Variants in CTSH observed in about 807,000 individuals in gnomAD.
CTSH encodes cathepsin H.
Under a neutral mutation model 56.3 loss-of-function variants are expected in CTSH, and 52 were observed. The ratio of observed to expected loss-of-function variants is 0.92; its 90% CI spans 0.74 to 1.16. The LOEUF (loss-of-function observed/expected upper bound fraction) is 1.16, where lower values mean the gene tolerates loss of function less well. CTSH is among the 50% of genes most tolerant of loss of function. CTSH has a pLI of 0.00. For missense variants in CTSH, 406 were observed against 424.5 expected (o/e 0.96, Z 0.38); for synonymous variants, 174 against 155.7 (o/e 1.12, Z -0.88).
rs1294106971 is a variant in CTSH at position 78,945,020 on chromosome 15, C to T, written c.-39G>A. The stretch of plus-strand genomic sequence containing the variant: ...GCTTGGCTCTTGCGCTCAGGGTCCG[C>T]GGAGGTGGCGGCCCAGAGCGTCAAC... On this transcript the variant is annotated 5_prime_UTR_variant, in exon 1 of 12. Coordinates refer to ENST00000220166, the MANE Select transcript of CTSH (RefSeq NM_004390.5). 2 of 1,478,028 alleles carry T rather than the reference C, an allele frequency of 1.4e-6. No homozygotes were observed. Among genetic ancestry groups the T allele is most frequent in the Non-Finnish European group, 1.8e-6 (2 of 1,112,070 alleles). The allele number at this position is 1,478,028 out of a possible 1,614,324, so 91.6% of individuals were successfully genotyped here.
At chr15:78,928,661 C>T (rs749544852) in intron 8 of CTSH, among the ~76,000 whole-genome samples, 11 of 151,648 alleles carry the variant, frequency 7.3e-5, no homozygotes, top group Non-Finnish European at 1.3e-4. Context: ...CATGGAGCCT[C>T]GGCGGCATTC....
chr15:78,933,266 G>A (rs1347703018), intron 5 of CTSH, among the ~76,000 whole-genome samples: 3 of 152,210 alleles, frequency 2.0e-5, no homozygotes, highest in African/African-American at 7.2e-5. Context: ...TTCCCCTCTC[G>A]AAGCCTTGGC....
chr15:78,931,755 G>T, intron 6 of CTSH: 1 of 1,415,348 alleles, frequency 7.1e-7, no homozygotes, highest in Non-Finnish European at 9.2e-7. Context: ...GGGGGCAAGG[G>T]CTGTTGGGTC....
chr15:78,921,869 T>C lies in CTSH; in HGVS notation c.*261A>G. 1 of 510,728 alleles carries C rather than the reference T, an allele frequency of 2.0e-6. No homozygotes were observed. Among genetic ancestry groups the C allele is most frequent in the South Asian group, 2.7e-5 (1 of 36,730 alleles). The allele number at this position is 510,728 out of a possible 1,614,324, so 31.6% of individuals were successfully genotyped here. On this transcript the variant is annotated 3_prime_UTR_variant, in exon 12 of 12. Transcript: ENST00000220166. Reference sequence around the variant, plus strand: ...AAGTAGCCCTTCTGGACAGAAAGAATATTCGTGGTCCATGTGGTTTGAGTC... The same window carrying C: ...AAGTAGCCCTTCTGGACAGAAAGAACATTCGTGGTCCATGTGGTTTGAGTC...
At chr15:78,937,075 C>A (rs1412924389) in intron 3 of CTSH, 6 of 496,188 alleles carry the variant, frequency 1.2e-5, no homozygotes, top group African/African-American at 1.2e-4. Flanking sequence ...AGGAATGGGG[C>A]AGGGGCTTCT....
In CTSH at chr15:78,921,997, C is replaced by G. The variant is rs1596263673; in HGVS notation, c.*133G>C. 7.8e-6 allele frequency: 6 copies of G among 767,416 alleles called. No individual in the cohort carries two copies. In the East Asian group the frequency reaches 1.6e-4, roughly 21 times the overall value. 47.5% of individuals were successfully genotyped at this position (767,416 alleles called of 1,614,324 possible). ...CTTGTCTGTAGGTTTCCAGGCTGGG[C>G]ACAGAGGTGAGGGCAGAATGTTGGG... is the stretch of plus-strand genomic sequence containing the variant. On this transcript the variant is annotated 3_prime_UTR_variant, in exon 12 of 12. Transcript: ENST00000220166.
At chr15:78,934,876 G>A (rs747275706) in intron 5 of CTSH, 102 bp downstream of exon 5, 9 of 791,366 alleles carry the variant, frequency 1.1e-5, no homozygotes, top group African/African-American at 5.1e-5. Flanking sequence ...AGGCAGGGAT[G>A]TGCTTGTGGT....
intron 5 of CTSH, among the ~76,000 whole-genome samples, chr15:78,934,442 A>G (rs2055130307): frequency 6.6e-6 from 1 of 152,216 alleles, no homozygotes; most frequent in Admixed American, 6.5e-5. Flanking sequence ...AGATGCCCCC[A>G]GACTGCTCCC....
chr15:78,930,400 G>T (rs150619105), intron 7 of CTSH, among the ~76,000 whole-genome samples: 1 of 152,196 alleles, frequency 6.6e-6, no homozygotes, highest in East Asian at 1.9e-4. Context: ...GGTGGCGCAC[G>T]CCTGTAATCC....
intron 7 of CTSH, 24 bp downstream of exon 7, chr15:78,931,427 G>A: frequency 6.2e-7 from 1 of 1,614,122 alleles, no homozygotes; most frequent in South Asian, 1.1e-5. Flanking sequence ...GGAAGTTTTG[G>A]GCCCCTTCTG....
chr15:78,922,277 C>T (rs1047903197), intron 11 of CTSH, 72 bp from the exon 12 acceptor site: 3 of 1,297,790 alleles, frequency 2.3e-6, no homozygotes, highest in Non-Finnish European at 3.3e-6. Flanking sequence ...TGTTTTGCTG[C>T]TCACCAAGAG....
At chr15:78,924,402 G>C (rs560759722) in intron 10 of CTSH, among the ~76,000 whole-genome samples, 1 of 152,072 alleles carries the variant, frequency 6.6e-6, no homozygotes, top group Admixed American at 6.6e-5. Flanking sequence ...GGGGGGTTAG[G>C]GGGTCCAAGG....
In CTSH at chr15:78,945,030, G is replaced by A. The variant is rs916402702; in HGVS notation, c.-49C>T. 5.3e-5 allele frequency: 76 copies of A among 1,440,014 alleles called. No individual in the cohort carries two copies. The Middle Eastern group carries it at 6.8e-4, about 13-fold the overall frequency. The allele number at this position is 1,440,014 out of a possible 1,614,324, so 89.2% of individuals were successfully genotyped here. A position where few individuals can be genotyped will look rare whatever the true frequency, so the allele number is the denominator to read the frequency against. ...TGCGCTCAGGGTCCGCGGAGGTGGC[G>A]GCCCAGAGCGTCAACTGGGAGCGCG... On this transcript the variant is annotated 5_prime_UTR_variant, in exon 1 of 12. Coordinates refer to ENST00000220166, the MANE Select transcript of CTSH (RefSeq NM_004390.5).
In CTSH at chr15:78,937,307, G is replaced by C; in HGVS notation, c.229+11C>G. ...CATCCTTCCAGGAAGGAAGGAAGGC[G>C]TTCCACGTACTTTTAAATGTGTGGT... On this transcript the variant is annotated intron_variant, in intron 3 of 11. Transcript: ENST00000220166. 6.2e-7 allele frequency: 1 copy of C among 1,608,506 alleles called. No individual in the cohort carries two copies. Among genetic ancestry groups the C allele is most frequent in the Non-Finnish European group, 8.5e-7 (1 of 1,175,310 alleles).
At chr15:78,940,931 C>A (rs1205641579) in intron 1 of CTSH, among the ~76,000 whole-genome samples, 1 of 152,076 alleles carries the variant, frequency 6.6e-6, no homozygotes, top group African/African-American at 2.4e-5. Flanking sequence ...TGCACCCCAG[C>A]CTGGGTGACA....
intron 8 of CTSH, among the ~76,000 whole-genome samples, chr15:78,928,588 AAGAAGGG>A (rs1240132833): frequency 2.7e-5 from 3 of 112,562 alleles, no homozygotes; most frequent in African/African-American, 1.2e-4. Context: ...AAAAAAAAAA[AAGAAGGG>A]AGAGTAAAAG....
At chr15:78,927,428 G>A (rs1025920560) in intron 9 of CTSH, 25 of 495,536 alleles carry the variant, frequency 5.0e-5, no homozygotes, top group African/African-American at 2.9e-4. Flanking sequence ...TGCAGGATGC[G>A]GACAATTGCT....
chr15:78,928,809 TCAG>T (rs2054979753), intron 8 of CTSH, among the ~76,000 whole-genome samples: 1 of 151,874 alleles, frequency 6.6e-6, no homozygotes, highest in Middle Eastern at 3.4e-3. Flanking sequence ...TCTGTGGTGG[TCAG>T]CAGGCTGGCG....
At position 78,945,033 on chromosome 15, in the gene CTSH, C is replaced by G. The variant is rs1172687545; in HGVS notation, c.-52G>C. The G allele has an allele frequency of 7.0e-7, 1 of 1,433,416 alleles. No individual in the cohort carries two copies. The highest frequency in any genetic ancestry group is 9.2e-7 in the Non-Finnish European group (1 of 1,086,484). 88.8% of individuals were successfully genotyped at this position (1,433,416 alleles called of 1,614,324 possible). On this transcript the variant is annotated 5_prime_UTR_variant, in exon 1 of 12. Transcript: ENST00000220166. ...GCTCAGGGTCCGCGGAGGTGGCGGC[C>G]CAGAGCGTCAACTGGGAGCGCGGGG...
Sources: allele counts gnomAD v4.1 joint callset (sites outside exome capture counted in the v4.1 genomes callset), GRCh38; gene constraint gnomAD v4.1.1; transcripts MANE v1.5; gene names NCBI Gene and HGNC (gene_info 2026-07-23, HGNC 2026-07-21).